DLGAP2: variants seen among roughly 807,000 people sequenced by gnomAD.
The protein encoded by DLGAP2 is disks large-associated protein 2.
A neutral mutation model predicts 100.3 loss-of-function variants in DLGAP2; 26 were observed. That is an observed-to-expected ratio of 0.26 (90% CI 0.19 to 0.36). The LOEUF (loss-of-function observed/expected upper bound fraction) is 0.36, where lower values mean the gene tolerates loss of function less well. DLGAP2 is among the 10% of genes least tolerant of loss of function. The probability of loss-of-function intolerance (pLI) is 1.00; values close to 1 mark genes in which losing one functional copy is unlikely to be tolerated. For synonymous variants in DLGAP2, 886 were observed against 630.1 expected (o/e 1.41, Z -6.08); for missense variants, 1,858 against 1,453.2 (o/e 1.28, Z -4.53).
intron 4 of DLGAP2, among the ~76,000 whole-genome samples, chr8:1,514,115 C>T (rs1800275897): frequency 6.6e-6 from 1 of 152,226 alleles, no homozygotes; most frequent in Non-Finnish European, 1.5e-5. Context: ...CTTGTGGCCA[C>T]ACGAGCAGCC....
At chr8:834,505 A>T (rs1174487982) in intron 1 of DLGAP2, among the ~76,000 whole-genome samples, 1 of 152,268 alleles carries the variant, frequency 6.6e-6, no homozygotes, top group Non-Finnish European at 1.5e-5. Context: ...CAGCTTAAAC[A>T]TTAAGTGCAA....
intron 3 of DLGAP2, among the ~76,000 whole-genome samples, chr8:1,498,549 A>G (rs1397168583): frequency 6.6e-6 from 1 of 152,132 alleles, no homozygotes; most frequent in Non-Finnish European, 1.5e-5. Flanking sequence ...GGCCCCTTGG[A>G]TGGGAATTTG....
At chr8:1,187,453 A>G (rs370716857) in intron 2 of DLGAP2, among the ~76,000 whole-genome samples, 1,467 of 88,760 alleles carry the variant, frequency 0.017, 69 homozygotes, top group African/African-American at 0.058. Context: ...AATCTCACAC[A>G]CCCGGGACCT....
chr8:1,291,327 G>C (rs569730092), intron 3 of DLGAP2, among the ~76,000 whole-genome samples: 2 of 152,262 alleles, frequency 1.3e-5, no homozygotes, highest in South Asian at 2.1e-4. Flanking sequence ...GATGGGAAAA[G>C]TGTGAAAATG....
At position 1,702,205 on chromosome 8, in the gene DLGAP2, G is replaced by C. The variant is rs2957052; in HGVS notation, c.*799G>C. Reference sequence around the variant, plus strand: ...TAAAAGGAAAACAATGTCCTTACTTGTAAACAGTTATTGTATTTTTTATTT... The same window carrying C: ...TAAAAGGAAAACAATGTCCTTACTTCTAAACAGTTATTGTATTTTTTATTT... On this transcript the variant is annotated 3_prime_UTR_variant, in exon 15 of 15. Transcript: ENST00000637795. 0.61 allele frequency: 92,911 copies of C among 152,038 alleles called. 29,606 individuals are homozygous for C. The highest frequency in any genetic ancestry group is 0.78 in the African/African-American group (32,291 of 41,480). 9.4% of individuals were successfully genotyped at this position (152,038 alleles called of 1,614,324 possible).
intron 2 of DLGAP2, among the ~76,000 whole-genome samples, chr8:1,101,699 T>A (rs1242861784): frequency 1.4e-5 from 2 of 147,492 alleles, no homozygotes; most frequent in Non-Finnish European, 3.0e-5. Flanking sequence ...GATGGGAAGG[T>A]CCTCGTCACC....
At chr8:922,505 T>C (rs1181441672) in intron 2 of DLGAP2, among the ~76,000 whole-genome samples, 1 of 152,242 alleles carries the variant, frequency 6.6e-6, no homozygotes, top group Non-Finnish European at 1.5e-5. Context: ...TATGACTTAC[T>C]TCATCTTTGA....
intron 2 of DLGAP2, among the ~76,000 whole-genome samples, chr8:1,007,043 T>C (rs1801135672): frequency 6.6e-6 from 1 of 152,040 alleles, no homozygotes; most frequent in African/African-American, 2.4e-5. Context: ...TGTGGTCCTT[T>C]ATCACGTTGG....
intron 2 of DLGAP2, among the ~76,000 whole-genome samples, chr8:918,926 G>T (rs1438981687): frequency 6.6e-6 from 1 of 152,060 alleles, no homozygotes; most frequent in Non-Finnish European, 1.5e-5. Flanking sequence ...AGTGCTGTAG[G>T]GTTTTTTGTT....
chr8:814,894 G>C (rs1371672965), intron 1 of DLGAP2, among the ~76,000 whole-genome samples: 4 of 144,820 alleles, frequency 2.8e-5, no homozygotes, highest in African/African-American at 1.0e-4. Context: ...CAACATTATA[G>C]CCCTTGAAAT....
rs146250784 is a variant in DLGAP2, at chr8:1,128,578, G to A, written c.74-130273G>A. Among the ~76,000 whole-genome samples the A allele has an allele frequency of 4.9e-3, 751 of 152,340 alleles. 2 individuals are homozygous for A. Among genetic ancestry groups the A allele is most frequent in the Middle Eastern group, 0.017 (5 of 294 alleles). ...ACCACACAGCCTGGGTGTGCGGCAG[G>A]CTCAATCGCCGGGTTTGTATAACAC... On this transcript the variant is annotated intron_variant, in intron 2 of 14. Coordinates refer to ENST00000637795, the MANE Select transcript of DLGAP2 (RefSeq NM_001346810.2).
At position 1,039,635 on chromosome 8, in the gene DLGAP2, TCGG is replaced by T. The variant is rs1204446629; in HGVS notation, c.73+131670_73+131672del. The stretch of plus-strand genomic sequence containing the variant: ...GGTCAGCTCGGTGTGCGTGGTCAGC[TCGG>T]TGTGCGTGGTCAGCTCGGTGTGGGT... On this transcript the variant is annotated intron_variant, in intron 2 of 14. Transcript: ENST00000637795. Among the ~76,000 whole-genome samples, 182 of 65,384 alleles carry T rather than the reference TCGG, an allele frequency of 2.8e-3. 2 individuals carry two copies. The highest frequency in any genetic ancestry group is 3.7e-3 in the Non-Finnish European group (126 of 33,818). The allele number at this position is 65,384 out of a possible 152,430, so 42.9% of individuals were successfully genotyped here.
At chr8:1,306,635 C>G (rs1479794334) in intron 3 of DLGAP2, among the ~76,000 whole-genome samples, 1 of 149,990 alleles carries the variant, frequency 6.7e-6, no homozygotes, top group Non-Finnish European at 1.5e-5. Flanking sequence ...TTCCTGATTT[C>G]AAAACTTACT....
chr8:986,455 G>A (rs1800490266), intron 2 of DLGAP2, among the ~76,000 whole-genome samples: 1 of 152,012 alleles, frequency 6.6e-6, no homozygotes, highest in Non-Finnish European at 1.5e-5. Flanking sequence ...ACTTTATGTG[G>A]TTCCTAATTA....
intron 3 of DLGAP2, among the ~76,000 whole-genome samples, chr8:1,282,815 A>T (rs1220233952): frequency 0.017 from 1,394 of 82,954 alleles, 48 homozygotes; most frequent in African/African-American, 0.082. Context: ...AACCATCTGG[A>T]CATGGTGTGA....
intron 3 of DLGAP2, among the ~76,000 whole-genome samples, chr8:1,289,011 A>C (rs67311046): frequency 0.17 from 25,999 of 152,182 alleles, 2,414 homozygotes; most frequent in East Asian, 0.25. Context: ...TCTAAGGAAA[A>C]CAAAAATCCC....
intron 1 of DLGAP2, among the ~76,000 whole-genome samples, chr8:794,224 G>T (rs890255559): frequency 2.0e-5 from 3 of 151,974 alleles, no homozygotes; most frequent in African/African-American, 7.3e-5. Context: ...GCAGAATGGG[G>T]TCCCTGGTGG....
intron 2 of DLGAP2, among the ~76,000 whole-genome samples, chr8:974,735 G>A (rs1419762793): frequency 6.6e-6 from 1 of 152,012 alleles, no homozygotes; most frequent in African/African-American, 2.4e-5. Flanking sequence ...AAATTTTTGA[G>A]ATACCAAAAA....
chr8:900,813 A>G lies in DLGAP2; in HGVS notation c.19-7099A>G, dbSNP rs1798237600. 2.0e-5 allele frequency among the ~76,000 whole-genome samples: 3 copies of G among 152,236 alleles called. No homozygotes were observed. The South Asian group carries it at 6.2e-4, about 31-fold the overall frequency. Reference sequence around the variant, plus strand: ...AAGGCAAGAGAATGTCCCAGGAAGTAGAACAAAAACACAGAGAAACAGAAA... The same window carrying G: ...AAGGCAAGAGAATGTCCCAGGAAGTGGAACAAAAACACAGAGAAACAGAAA... On this transcript the variant is annotated intron_variant, in intron 1 of 14. Transcript: ENST00000637795.
Sources: allele counts gnomAD v4.1 joint callset (sites outside exome capture counted in the v4.1 genomes callset), GRCh38; gene constraint gnomAD v4.1.1; transcripts MANE v1.5; gene names NCBI Gene and HGNC (gene_info 2026-07-23, HGNC 2026-07-21).